INPP4B: variants seen among roughly 807,000 people sequenced by gnomAD.
INPP4B encodes inositol polyphosphate-4-phosphatase type II B.
Under a neutral mutation model 122.5 loss-of-function variants are expected in INPP4B, and 55 were observed. That is an observed-to-expected ratio of 0.45 (90% confidence interval 0.36 to 0.56). The LOEUF (loss-of-function observed/expected upper bound fraction) is 0.56, where lower values mean the gene tolerates loss of function less well. INPP4B is among the 20% of genes least tolerant of loss of function. The pLI, the probability that INPP4B is intolerant of heterozygous loss-of-function variation, is 0.00. For synonymous variants in INPP4B, 403 were observed against 388.7 expected (o/e 1.04, Z -0.43); for missense variants, 1,000 against 1,097.7 (o/e 0.91, Z 1.26).
At chr4:142,099,854 A>G (rs1561115194) in intron 23 of INPP4B, among the ~76,000 whole-genome samples, 1 of 152,172 alleles carries the variant, frequency 6.6e-6, no homozygotes, top group Non-Finnish European at 1.5e-5. Flanking sequence ...GGGAAATTTC[A>G]TCTTCTTTTA....
chr4:142,459,256 G>A lies in INPP4B; in HGVS notation c.-127+3407C>T, dbSNP rs115095807. On this transcript the variant is annotated intron_variant, in intron 3 of 25. Coordinates refer to ENST00000262992, the MANE Select transcript of INPP4B (RefSeq NM_001101669.3). The stretch of plus-strand genomic sequence containing the variant: ...TTTCAGGCTCAGTTTTCACAGATAC[G>A]GATCAAAGGACAGTGCCTGAAAACA... Among the ~76,000 whole-genome samples the A allele has an allele frequency of 6.3e-3, 936 of 148,332 alleles. 13 individuals are homozygous for A. The highest frequency in any genetic ancestry group is 0.022 in the African/African-American group (882 of 40,132).
chr4:142,308,456 C>A (rs17015890), intron 8 of INPP4B, among the ~76,000 whole-genome samples: 34,049 of 151,984 alleles, frequency 0.22, 4,310 homozygotes, highest in African/African-American at 0.36. Flanking sequence ...TATGCTGCAA[C>A]AACAAACAAT....
At chr4:142,552,436 A>G (rs955966056) in intron 2 of INPP4B, among the ~76,000 whole-genome samples, 1 of 152,012 alleles carries the variant, frequency 6.6e-6, no homozygotes, top group African/African-American at 2.4e-5. Context: ...GTCTTAAAAA[A>G]AAAAACAAAA....
intron 18 of INPP4B, among the ~76,000 whole-genome samples, chr4:142,128,137 T>A (rs1433099229): frequency 6.6e-6 from 1 of 152,076 alleles, no homozygotes; most frequent in African/African-American, 2.4e-5. Flanking sequence ...TACCTTACAG[T>A]TTACATGGTG....
At chr4:142,723,939 G>A (rs1396600797) in intron 2 of INPP4B, among the ~76,000 whole-genome samples, 1 of 151,956 alleles carries the variant, frequency 6.6e-6, no homozygotes, top group Non-Finnish European at 1.5e-5. Flanking sequence ...ATTTCTCCTG[G>A]CCATAGTTCT....
chr4:142,631,751 A>T (rs1748005851), intron 2 of INPP4B, among the ~76,000 whole-genome samples: 1 of 152,184 alleles, frequency 6.6e-6, no homozygotes. Context: ...TATCTACAGA[A>T]AAAAGGAAGC....
intron 16 of INPP4B, among the ~76,000 whole-genome samples, chr4:142,169,679 CTG>C (rs1315452840): frequency 6.6e-6 from 1 of 151,742 alleles, no homozygotes; most frequent in African/African-American, 2.4e-5. Context: ...CTCAAATACG[CTG>C]TGAGTATAGC....
At chr4:142,274,554 T>C (rs557174578) in intron 9 of INPP4B, among the ~76,000 whole-genome samples, 12 of 151,840 alleles carry the variant, frequency 7.9e-5, no homozygotes, top group South Asian at 2.1e-4. Flanking sequence ...GAAAGTGACT[T>C]AGCACTTATA....
At chr4:142,038,063 G>A (rs1208295057) in intron 25 of INPP4B, among the ~76,000 whole-genome samples, 1 of 152,096 alleles carries the variant, frequency 6.6e-6, no homozygotes, top group African/African-American at 2.4e-5. Flanking sequence ...TTCATTTTCA[G>A]TTTAGATCAA....
chr4:142,070,351 C>A (rs1766440271), intron 25 of INPP4B, among the ~76,000 whole-genome samples: 2 of 152,122 alleles, frequency 1.3e-5, no homozygotes, highest in Non-Finnish European at 2.9e-5. Flanking sequence ...ATAATAGCAG[C>A]TATTTATGAC....
chr4:142,086,553 C>T (rs1776884346), intron 23 of INPP4B, among the ~76,000 whole-genome samples: 2 of 152,094 alleles, frequency 1.3e-5, no homozygotes, highest in Admixed American at 6.6e-5. Flanking sequence ...AGGGTTTGGC[C>T]ATTGTCACCC....
At chr4:142,718,590 A>T (rs1048349383) in intron 2 of INPP4B, among the ~76,000 whole-genome samples, 1 of 152,180 alleles carries the variant, frequency 6.6e-6, no homozygotes, top group Non-Finnish European at 1.5e-5. Context: ...CTGTTCATGA[A>T]TAGCACTTTC....
intron 12 of INPP4B, among the ~76,000 whole-genome samples, chr4:142,215,438 C>T (rs568095158): frequency 1.3e-5 from 2 of 152,140 alleles, no homozygotes; most frequent in African/African-American, 2.4e-5. Flanking sequence ...AAAAACTAAA[C>T]CTGAACAAAA....
chr4:142,451,421 T>G (rs1814198270), intron 3 of INPP4B, among the ~76,000 whole-genome samples: 1 of 151,940 alleles, frequency 6.6e-6, no homozygotes, highest in Non-Finnish European at 1.5e-5. Context: ...GGCTAATTTT[T>G]TGTATTTTTG....
chr4:142,362,014 C>T (rs1785584177), intron 7 of INPP4B, among the ~76,000 whole-genome samples: 1 of 151,936 alleles, frequency 6.6e-6, no homozygotes, highest in Non-Finnish European at 1.5e-5. Flanking sequence ...AACATGAACA[C>T]AAACAACCGT....
intron 1 of INPP4B, among the ~76,000 whole-genome samples, chr4:142,792,747 G>C (rs1776729345): frequency 6.6e-6 from 1 of 152,086 alleles, no homozygotes; most frequent in Admixed American, 6.6e-5. Flanking sequence ...AAAGCCAGTG[G>C]GGATGGATTC....
chr4:142,106,533 T>C (rs1235085228), intron 23 of INPP4B, among the ~76,000 whole-genome samples: 2 of 152,200 alleles, frequency 1.3e-5, no homozygotes, highest in Non-Finnish European at 2.9e-5. Flanking sequence ...AGAGTTTAAG[T>C]TACTTGAATA....
intron 25 of INPP4B, among the ~76,000 whole-genome samples, chr4:142,042,812 C>T (rs1158751438): frequency 5.3e-5 from 8 of 152,238 alleles, no homozygotes; most frequent in South Asian, 2.1e-4. Context: ...TCGCCCACCT[C>T]GGCCTCCCAA....
intron 1 of INPP4B, chr4:142,795,124 G>A (rs572116088): frequency 6.6e-6 from 1 of 151,996 alleles, no homozygotes; most frequent in South Asian, 2.1e-4. Context: ...TAATACAGAT[G>A]AATGTTAGAC....
Sources: gnomAD v4.1 joint callset for allele counts (sites outside exome capture counted in the v4.1 genomes callset) on GRCh38, gnomAD v4.1.1 for gene constraint, MANE v1.5 for transcripts, NCBI Gene and HGNC (gene_info 2026-07-23, HGNC 2026-07-21) for gene names.